Variants in ATL2 observed in about 807,000 individuals in gnomAD.
ATL2 encodes the protein atlastin GTPase 2.
Under a neutral mutation model 73.9 loss-of-function variants are expected in ATL2, and 31 were observed. The observed-to-expected ratio is 0.42, with a 90% CI of 0.32 to 0.57. ATL2 has a LOEUF of 0.57. Ranked by LOEUF, ATL2 falls within the 20% of genes least tolerant of loss-of-function variation. The pLI is 0.14. For synonymous variants in ATL2, 291 were observed against 237.5 expected (o/e 1.23, Z -2.07); for missense variants, 738 against 702.6 (o/e 1.05, Z -0.57).
intron 2 of ATL2, among the ~76,000 whole-genome samples, chr2:38,340,694 T>C (rs1382178271): frequency 6.6e-6 from 1 of 152,194 alleles, no homozygotes; most frequent in Non-Finnish European, 1.5e-5. Flanking sequence ...TACCCCATTA[T>C]TTCTCCTTCT....
intron 2 of ATL2, among the ~76,000 whole-genome samples, chr2:38,328,455 G>A (rs1364615160): frequency 6.6e-6 from 1 of 152,048 alleles, no homozygotes; most frequent in Non-Finnish European, 1.5e-5. Context: ...AATTTTAAGG[G>A]ATAGATAATA....
intron 1 of ATL2, among the ~76,000 whole-genome samples, chr2:38,373,425 G>A (rs1573608103): frequency 6.6e-6 from 1 of 152,160 alleles, no homozygotes. Context: ...TTTTTATTAA[G>A]CTAGTAGCTT....
intron 1 of ATL2, among the ~76,000 whole-genome samples, chr2:38,362,623 C>G (rs1671075546): frequency 6.6e-6 from 1 of 152,228 alleles, no homozygotes; most frequent in Non-Finnish European, 1.5e-5. Context: ...AGGTCTAGAA[C>G]TGGAGGTGCA....
chr2:38,333,585 G>T (rs1669126441), intron 2 of ATL2, among the ~76,000 whole-genome samples: 1 of 152,104 alleles, frequency 6.6e-6, no homozygotes, highest in African/African-American at 2.4e-5. Context: ...GTAACCTACT[G>T]GAACAAAGAG....
At chr2:38,310,549 A>C in intron 7 of ATL2, 102 bp from the exon 8 acceptor site, 16 of 972,420 alleles carry the variant, frequency 1.6e-5, no homozygotes, top group Non-Finnish European at 2.3e-5. Context: ...CACTTAACTC[A>C]GATGGTACTC....
chr2:38,329,752 TC>T, intron 2 of ATL2, among the ~76,000 whole-genome samples: 1 of 152,126 alleles, frequency 6.6e-6, no homozygotes, highest in Admixed American at 6.6e-5. Context: ...CACACCATGA[TC>T]AAGTGGGATT....
At chr2:38,318,287 G>A in intron 4 of ATL2, 1 of 297,180 alleles carries the variant, frequency 3.4e-6, no homozygotes. Flanking sequence ...AGACCAGCCT[G>A]CCCAACGTGG....
intron 4 of ATL2, among the ~76,000 whole-genome samples, chr2:38,316,335 A>T (rs542393569): frequency 6.6e-6 from 1 of 152,308 alleles, no homozygotes; most frequent in South Asian, 2.1e-4. Context: ...TGACCAACCT[A>T]TGTGGGCCTC....
intron 1 of ATL2, among the ~76,000 whole-genome samples, chr2:38,372,901 T>C (rs1671765350): frequency 6.6e-6 from 1 of 152,228 alleles, no homozygotes; most frequent in Admixed American, 6.5e-5. Context: ...CCTACCACCC[T>C]TGCCCAAACT....
chr2:38,324,841 T>G (rs60144007), intron 2 of ATL2, among the ~76,000 whole-genome samples: 6 of 152,144 alleles, frequency 3.9e-5, no homozygotes, highest in African/African-American at 1.2e-4. Context: ...GTCAAATTCA[T>G]AGGGACAGAA....
At chr2:38,370,439 ACT>A (rs1467589599) in intron 1 of ATL2, among the ~76,000 whole-genome samples, 1 of 119,762 alleles carries the variant, frequency 8.3e-6, no homozygotes, top group Non-Finnish European at 1.6e-5. Context: ...ACAGAGTGAG[ACT>A]CTGTCCCAAA....
chr2:38,329,812 A>G (rs1668878107), intron 2 of ATL2, among the ~76,000 whole-genome samples: 1 of 152,136 alleles, frequency 6.6e-6, no homozygotes, highest in South Asian at 2.1e-4. Flanking sequence ...CAATAAATGT[A>G]ATCCATCATA....
Position 38,318,703 on chromosome 2 carries a change from C to A in ATL2, c.499-64G>T. The A allele has an allele frequency of 2.8e-6, 4 of 1,409,098 alleles. No individual in the cohort carries two copies. In the South Asian group the frequency reaches 4.0e-5, roughly 14 times the overall value. The allele number at this position is 1,409,098 out of a possible 1,614,324, so 87.3% of individuals were successfully genotyped here. Reference sequence around the variant, plus strand: ...TGCCAAAAATGACTATAAAAAAAATCAAATGATAAATTTGAAAAGCAGTAA... The same window carrying A: ...TGCCAAAAATGACTATAAAAAAAATAAAATGATAAATTTGAAAAGCAGTAA... On this transcript the variant is annotated intron_variant, in intron 3 of 12. Transcript: ENST00000378954.
chr2:38,350,653 G>A (rs564085541), intron 1 of ATL2, among the ~76,000 whole-genome samples: 1 of 152,260 alleles, frequency 6.6e-6, no homozygotes, highest in South Asian at 2.1e-4. Flanking sequence ...TTTAACAAAA[G>A]CACCACTGTG....
intron 11 of ATL2, among the ~76,000 whole-genome samples, 171 bp from the exon 12 acceptor site, chr2:38,298,746 T>C (rs1485294713): frequency 6.6e-6 from 1 of 152,198 alleles, no homozygotes; most frequent in African/African-American, 2.4e-5. Flanking sequence ...GTTTATATGT[T>C]GAACCTACTC....
intron 7 of ATL2, 120 bp from the exon 8 acceptor site, chr2:38,310,567 G>C: frequency 1.5e-6 from 1 of 676,018 alleles, no homozygotes; most frequent in Non-Finnish European, 2.1e-6. Context: ...CTCCTAAGGA[G>C]TCTTTTTTGA....
chr2:38,314,486 C>T (rs1667923116), intron 6 of ATL2, 122 bp downstream of exon 6: 2 of 635,232 alleles, frequency 3.1e-6, no homozygotes, highest in Middle Eastern at 2.9e-4. Flanking sequence ...GTTTCGATTG[C>T]ACTGAATCTG....
Position 38,366,107 on chromosome 2 carries a change from A to AC in ATL2, c.118+11035_118+11036insG, listed in dbSNP as rs549068923. On this transcript the variant is annotated intron_variant, in intron 1 of 12. Transcript: ENST00000378954. ...AAATGTGACTAATTTGAAAAAAAAA[A>AC]AAAAAACAAAGATAAAGTCAGAGCT... Among the ~76,000 whole-genome samples, 125 of 152,140 alleles carry AC rather than the reference A, an allele frequency of 8.2e-4. 2 individuals are homozygous for AC. Among genetic ancestry groups the AC allele is most frequent in the African/African-American group, 2.9e-3 (122 of 41,510 alleles).
chr2:38,320,248 T>C (rs1668246173), intron 2 of ATL2, among the ~76,000 whole-genome samples: 1 of 152,060 alleles, frequency 6.6e-6, no homozygotes, highest in African/African-American at 2.4e-5. Flanking sequence ...CATTAGATGG[T>C]GTTAAATTAG....
Sources: allele counts gnomAD v4.1 joint callset (sites outside exome capture counted in the v4.1 genomes callset), GRCh38; gene constraint gnomAD v4.1.1; transcripts MANE v1.5; gene names NCBI Gene and HGNC (gene_info 2026-07-23, HGNC 2026-07-21).